The following NCOA2 variants were observed in gnomAD, a reference collection of about 807,000 sequenced individuals.
NCOA2 encodes the protein class E basic helix-loop-helix protein 75.
A neutral mutation model predicts 145.1 loss-of-function variants in NCOA2; 21 were observed. The observed-to-expected ratio is 0.14, with a 90% CI of 0.10 to 0.21. The LOEUF (loss-of-function observed/expected upper bound fraction) is 0.21, where lower values mean the gene tolerates loss of function less well. Among genes scored for constraint, NCOA2 ranks in the 10% least tolerant of loss-of-function variants. The probability of loss-of-function intolerance (pLI) is 1.00; values close to 1 mark genes in which losing one functional copy is unlikely to be tolerated. For missense variants in NCOA2, 1,472 were observed against 1,837.6 expected (o/e 0.80, Z 3.64); for synonymous variants, 619 against 637.5 (o/e 0.97, Z 0.44).
At chr8:70,257,719 T>C (rs569465608) in intron 2 of NCOA2, among the ~76,000 whole-genome samples, 2 of 152,126 alleles carry the variant, frequency 1.3e-5, no homozygotes, top group South Asian at 2.1e-4. Context: ...TTCCTGCCAT[T>C]CTCTGAAGTC....
intron 20 of NCOA2, 76 bp from the exon 21 acceptor site, chr8:70,124,158 T>C: frequency 3.6e-6 from 5 of 1,374,524 alleles, no homozygotes; most frequent in South Asian, 2.7e-5. Context: ...GGGCACTTGT[T>C]TCTCAGGCGT....
intron 4 of NCOA2, among the ~76,000 whole-genome samples, chr8:70,213,133 T>C (rs192824755): frequency 1.1e-3 from 139 of 128,138 alleles, no homozygotes; most frequent in African/African-American, 3.9e-3. Flanking sequence ...TTACAAAAGA[T>C]AATAATCTCC....
Position 70,316,340 on chromosome 8 carries a change from TG to T in NCOA2, c.-76-19541del, listed in dbSNP as rs1459064874. Among the ~76,000 whole-genome samples the T allele has an allele frequency of 3.3e-5, 5 of 152,232 alleles. No homozygotes were observed. The East Asian group carries it at 9.6e-4, about 29-fold the overall frequency. The stretch of plus-strand genomic sequence containing the variant: ...AAGGCACTATGTTTTTACCAAGTCC[TG>T]GGAGTGTCCCTCATGATACTACCTC... On this transcript the variant is annotated intron_variant, in intron 1 of 22. Coordinates refer to ENST00000452400, the MANE Select transcript of NCOA2 (RefSeq NM_006540.4).
At chr8:70,207,862 C>CAAAAAAAAAAAA (rs754670876) in intron 4 of NCOA2, among the ~76,000 whole-genome samples, 15 of 36,154 alleles carry the variant, frequency 4.1e-4, no homozygotes, top group African/African-American at 1.6e-3. Flanking sequence ...GACTCCACCT[C>CAAAAAAAAAAAA]AAAAAAAAAA....
At chr8:70,339,910 C>T (rs1198534315) in intron 1 of NCOA2, among the ~76,000 whole-genome samples, 1 of 152,176 alleles carries the variant, frequency 6.6e-6, no homozygotes, top group East Asian at 1.9e-4. Flanking sequence ...AAAGTGGACC[C>T]CTTCCTTACA....
chr8:70,409,521 C>T, the NCOA2 span, among the ~76,000 whole-genome samples: 3 of 152,242 alleles, frequency 2.0e-5, no homozygotes, highest in South Asian at 6.2e-4. Flanking sequence ...TGACTTCTTA[C>T]CATACACAAG....
intron 2 of NCOA2, among the ~76,000 whole-genome samples, chr8:70,270,452 T>C (rs1477117039): frequency 2.0e-5 from 3 of 151,990 alleles, no homozygotes; most frequent in African/African-American, 7.3e-5. Context: ...TACCATTATC[T>C]GGCATGCAAC....
At chr8:70,243,144 A>AT (rs1295608895) in intron 2 of NCOA2, among the ~76,000 whole-genome samples, 1 of 151,886 alleles carries the variant, frequency 6.6e-6, no homozygotes, top group African/African-American at 2.4e-5. Flanking sequence ...AAGGACTGAT[A>AT]TTTTATGTCC....
intron 22 of NCOA2, among the ~76,000 whole-genome samples, chr8:70,117,955 A>G (rs1432405030): frequency 6.6e-6 from 1 of 152,268 alleles, no homozygotes; most frequent in Non-Finnish European, 1.5e-5. Context: ...CTTGGAGGTT[A>G]CATGGCAGCT....
intron 4 of NCOA2, among the ~76,000 whole-genome samples, chr8:70,186,952 A>G (rs1393412020): frequency 6.6e-6 from 1 of 152,266 alleles, no homozygotes; most frequent in Admixed American, 6.5e-5. Flanking sequence ...CAACAGGAAG[A>G]GCTTTAAATA....
intron 2 of NCOA2, among the ~76,000 whole-genome samples, chr8:70,219,740 T>G (rs1040290030): frequency 1.3e-5 from 2 of 152,182 alleles, no homozygotes; most frequent in Non-Finnish European, 2.9e-5. Flanking sequence ...ATTTATGCCC[T>G]GCATTTTAGT....
rs1314506996 is a variant in NCOA2, at chr8:70,156,668, G to A, written c.1697C>T (p.Pro566Leu). The part of the protein sequence containing the change: ...DLKMGNLQNS[P>L]VNMNPPPLSK... Reference sequence around the variant, plus strand: ...GAGTGGGGGAGGATTCATATTAACTGGGGAGTTTTGCAAATTGCCCATTTT... The same window carrying A: ...GAGTGGGGGAGGATTCATATTAACTAGGGAGTTTTGCAAATTGCCCATTTT... The change falls in exon 11 of 23, where the codon CCA (proline) becomes CTA (leucine). Residue 566 changes from proline to leucine, a missense_variant. Physicochemically the swap from Pro to Leu is moderately conservative, Grantham distance 98 (BLOSUM62 -3). This residue lies in a region of NCOA2 where 953 missense variants were observed against 1,062.1 expected (regional missense o/e 0.90). Transcript: ENST00000452400. 6.2e-7 allele frequency: 1 copy of A among 1,613,924 alleles called. No homozygotes were observed. The highest frequency in any genetic ancestry group is 8.5e-7 in the Non-Finnish European group (1 of 1,179,876).
At chr8:70,379,413 C>T (rs994606891) in intron 1 of NCOA2, among the ~76,000 whole-genome samples, 1 of 152,136 alleles carries the variant, frequency 6.6e-6, no homozygotes, top group Admixed American at 6.6e-5. Flanking sequence ...GATTTAATAT[C>T]ATGTGGTTTC....
chr8:70,136,053 T>C (rs1477818569), intron 15 of NCOA2, among the ~76,000 whole-genome samples: 3 of 152,190 alleles, frequency 2.0e-5, no homozygotes, highest in South Asian at 2.1e-4. Context: ...TAGAGATACA[T>C]TTCAAACAGG....
chr8:70,381,023 G>A (rs1025715915), intron 1 of NCOA2, among the ~76,000 whole-genome samples: 1 of 150,546 alleles, frequency 6.6e-6, no homozygotes, highest in Non-Finnish European at 1.5e-5. Context: ...AGTGAGTGGA[G>A]ATGGCACAAC....
At chr8:70,404,327 G>T (rs914903416), upstream of NCOA2, among the ~76,000 whole-genome samples, 12 of 152,366 alleles carry the variant, frequency 7.9e-5, no homozygotes, top group African/African-American at 2.6e-4. Context: ...AGGCAGTGGG[G>T]CCTGGGGGCT....
rs373048452 is a variant in NCOA2, at chr8:70,113,471, C to G, written c.*161G>C. On this transcript the variant is annotated 3_prime_UTR_variant, in exon 23 of 23. Transcript: ENST00000452400. ...AAGAGGCAGCTCCTCCTGCCACAGC[C>G]GAGTGGACGCCACCCTGGGAACCAG... 4.2e-5 allele frequency: 30 copies of G among 708,410 alleles called. No homozygotes were observed. The highest frequency in any genetic ancestry group is 6.9e-5 in the Non-Finnish European group (29 of 418,938). The allele number at this position is 708,410 out of a possible 1,614,324, so 43.9% of individuals were successfully genotyped here. A position where few individuals can be genotyped will look rare whatever the true frequency, so the allele number is the denominator to read the frequency against.
chr8:70,167,560 A>G (rs1250997492), intron 6 of NCOA2, among the ~76,000 whole-genome samples: 4 of 152,206 alleles, frequency 2.6e-5, no homozygotes, highest in African/African-American at 9.6e-5. Flanking sequence ...AAACTTTAGT[A>G]TATAGTTTAT....
the NCOA2 span, among the ~76,000 whole-genome samples, chr8:70,444,210 C>G: frequency 6.6e-6 from 1 of 152,112 alleles, no homozygotes; most frequent in East Asian, 1.9e-4. Flanking sequence ...TATTGATATA[C>G]ACAACAACTT....
Sources: allele counts gnomAD v4.1 joint callset (sites outside exome capture counted in the v4.1 genomes callset), GRCh38; gene constraint gnomAD v4.1.1; regional missense constraint gnomAD v4.1.1; transcripts MANE v1.5; gene names NCBI Gene and HGNC (gene_info 2026-07-23, HGNC 2026-07-21).